The following GULP1 variants were observed in gnomAD, a reference collection of about 807,000 sequenced individuals.
The protein encoded by GULP1 is GULP PTB domain containing engulfment adaptor 1, also known as PTB domain-containing engulfment adapter protein 1.
A neutral mutation model predicts 40.9 loss-of-function variants in GULP1; 19 were observed. That is an observed-to-expected ratio of 0.46 (90% confidence interval 0.32 to 0.68). GULP1 has a LOEUF of 0.68. GULP1 is among the 30% of genes least tolerant of loss of function. The pLI is 0.03. For synonymous variants in GULP1, 119 were observed against 117.6 expected, an observed-to-expected ratio of 1.01 and a Z score of -0.08; for missense variants, 312 against 362.2, an observed-to-expected ratio of 0.86 and a Z score of 1.12.
At chr2:188,353,769 G>A (rs2044845911) in intron 1 of GULP1, among the ~76,000 whole-genome samples, 2 of 151,666 alleles carry the variant, frequency 1.3e-5, no homozygotes, top group Admixed American at 1.3e-4. Flanking sequence ...AAGCTGAAGA[G>A]GTGCCCTGTA....
chr2:188,586,201 T>C (rs560220797), intron 10 of GULP1, among the ~76,000 whole-genome samples: 2 of 152,286 alleles, frequency 1.3e-5, no homozygotes, highest in Admixed American at 1.3e-4. Context: ...TAAATATTCC[T>C]GAGTATCAAA....
chr2:188,529,839 G>A (rs1405107796), intron 6 of GULP1, among the ~76,000 whole-genome samples: 1 of 152,058 alleles, frequency 6.6e-6, no homozygotes, highest in African/African-American at 2.4e-5. Flanking sequence ...TTTTAACTTA[G>A]TTACCTTTTT....
chr2:188,418,074 A>G (rs1430623387), intron 2 of GULP1, among the ~76,000 whole-genome samples: 2 of 151,656 alleles, frequency 1.3e-5, no homozygotes, highest in African/African-American at 2.4e-5. Flanking sequence ...TTGCCCTCCT[A>G]TAGTTTTAAG....
intron 1 of GULP1, among the ~76,000 whole-genome samples, chr2:188,329,338 T>A (rs2041225994): frequency 6.6e-6 from 1 of 152,128 alleles, no homozygotes. Flanking sequence ...ACCCAATTCC[T>A]GGGATCCTGA....
At chr2:188,543,902 C>T (rs1457929542) in intron 7 of GULP1, among the ~76,000 whole-genome samples, 2 of 152,036 alleles carry the variant, frequency 1.3e-5, no homozygotes, top group Non-Finnish European at 2.9e-5. Flanking sequence ...AAAGATGAAA[C>T]CTTTTTTAGT....
intron 1 of GULP1, among the ~76,000 whole-genome samples, chr2:188,310,386 A>G (rs2037882050): frequency 6.6e-6 from 1 of 152,218 alleles, no homozygotes; most frequent in South Asian, 2.1e-4. Flanking sequence ...TTGAAGAAGA[A>G]TGAATCAGGG....
chr2:188,452,578 T>A (rs896535608), intron 2 of GULP1, among the ~76,000 whole-genome samples: 1 of 152,228 alleles, frequency 6.6e-6, no homozygotes, highest in Non-Finnish European at 1.5e-5. Flanking sequence ...TTTTCTATTA[T>A]AAGCATAATA....
chr2:188,418,014 A>G (rs374811094), intron 2 of GULP1, among the ~76,000 whole-genome samples: 4 of 151,454 alleles, frequency 2.6e-5, no homozygotes, highest in Admixed American at 6.6e-5. Flanking sequence ...GAGTTTTGCT[A>G]TGTTATCTGG....
chr2:188,440,917 G>A (rs540669142), intron 2 of GULP1, among the ~76,000 whole-genome samples: 19 of 152,258 alleles, frequency 1.2e-4, no homozygotes, highest in African/African-American at 4.6e-4. Context: ...GTCTTCAGAT[G>A]TATGTTGGGC....
At chr2:188,467,408 A>G (rs2060216900) in intron 2 of GULP1, among the ~76,000 whole-genome samples, 2 of 152,062 alleles carry the variant, frequency 1.3e-5, no homozygotes, top group Non-Finnish European at 2.9e-5. Context: ...TTCTCTCCAT[A>G]ATTTTATCAG....
At chr2:188,454,686 A>G (rs2059116883) in intron 2 of GULP1, among the ~76,000 whole-genome samples, 1 of 152,236 alleles carries the variant, frequency 6.6e-6, no homozygotes, top group Non-Finnish European at 1.5e-5. Flanking sequence ...AGGAAATCCA[A>G]AACTGAAGAC....
chr2:188,347,689 C>T (rs1251294524), intron 1 of GULP1, among the ~76,000 whole-genome samples: 1 of 149,758 alleles, frequency 6.7e-6, no homozygotes, highest in Admixed American at 6.7e-5. Context: ...TCATGGCTCA[C>T]TGCAACCTTA....
intron 2 of GULP1, among the ~76,000 whole-genome samples, chr2:188,424,029 T>G (rs997629409): frequency 6.6e-6 from 1 of 151,818 alleles, no homozygotes; most frequent in South Asian, 2.1e-4. Flanking sequence ...CTTTAAAAAA[T>G]AATTTTATAG....
At chr2:188,510,658 G>A (rs933856057) in intron 4 of GULP1, among the ~76,000 whole-genome samples, 2 of 151,936 alleles carry the variant, frequency 1.3e-5, no homozygotes, top group Admixed American at 1.3e-4. Flanking sequence ...CCCTCACAAA[G>A]AGATATATTA....
intron 4 of GULP1, among the ~76,000 whole-genome samples, chr2:188,486,856 A>T (rs1435841835): frequency 6.6e-6 from 1 of 151,936 alleles, no homozygotes; most frequent in Non-Finnish European, 1.5e-5. Context: ...GTTATTACCT[A>T]TGAAAAAATG....
chr2:188,451,074 G>A (rs1438046647), intron 2 of GULP1, among the ~76,000 whole-genome samples: 1 of 151,996 alleles, frequency 6.6e-6, no homozygotes, highest in Non-Finnish European at 1.5e-5. Context: ...AACCACCATT[G>A]GTATCTAAAT....
chr2:188,494,431 T>A (rs1176509273), intron 4 of GULP1, among the ~76,000 whole-genome samples: 1 of 152,026 alleles, frequency 6.6e-6, no homozygotes, highest in African/African-American at 2.4e-5. Flanking sequence ...AATCTTATAG[T>A]AATATATATA....
chr2:188,564,368 A>T (rs1697114284), intron 7 of GULP1, among the ~76,000 whole-genome samples: 1 of 150,882 alleles, frequency 6.6e-6, no homozygotes, highest in African/African-American at 2.4e-5. Flanking sequence ...GAGATCTACA[A>T]CCACTAGATT....
At chr2:188,405,347 GC>G (rs1353232786) in intron 2 of GULP1, among the ~76,000 whole-genome samples, 1 of 152,088 alleles carries the variant, frequency 6.6e-6, no homozygotes, top group Non-Finnish European at 1.5e-5. Context: ...TCAGCTATAG[GC>G]TCTAGGCTAG....
Sources: gnomAD v4.1 joint callset for allele counts (sites outside exome capture counted in the v4.1 genomes callset) on GRCh38, gnomAD v4.1.1 for gene constraint, MANE v1.5 for transcripts, NCBI Gene and HGNC (gene_info 2026-07-23, HGNC 2026-07-21) for gene names.